Variants in EPC1 observed in about 807,000 individuals in gnomAD.
The protein encoded by EPC1 is enhancer of polycomb 1.
EPC1 carries 12 observed loss-of-function variants against 98.4 expected under a neutral mutation model. That is an observed-to-expected ratio of 0.12 (90% CI 0.08 to 0.20). The LOEUF is 0.20. Among genes scored for constraint, EPC1 ranks in the 10% least tolerant of loss-of-function variants. The pLI is 1.00. For synonymous variants in EPC1, 357 were observed against 363.9 expected, an observed-to-expected ratio of 0.98 and a Z score of 0.21; for missense variants, 729 against 990.5, an observed-to-expected ratio of 0.74 and a Z score of 3.54.
At chr10:32,364,201 ACTTT>A (rs200856554) in intron 1 of EPC1, among the ~76,000 whole-genome samples, 78,647 of 149,940 alleles carry the variant, frequency 0.52, 22,835 homozygotes, top group East Asian at 0.69. Context: ...TTTAGTAGAG[ACTTT>A]TAGTAGATTT....
In EPC1 at chr10:32,273,301, A is replaced by G; in HGVS notation, c.1745-20T>C. 6.2e-7 allele frequency: 1 copy of G among 1,611,016 alleles called. No homozygotes were observed. Among genetic ancestry groups the G allele is most frequent in the South Asian group, 1.1e-5 (1 of 90,752 alleles). ...TAAATGCTGAACATAAAATAAAGAA[A>G]CACTTTATAAAAATGCCCAGCTGTC... On this transcript the variant is annotated intron_variant, in intron 10 of 13. Transcript: ENST00000319778.
chr10:32,372,801 A>T (rs1389382816), intron 1 of EPC1, among the ~76,000 whole-genome samples: 4 of 152,198 alleles, frequency 2.6e-5, no homozygotes, highest in Non-Finnish European at 5.9e-5. Flanking sequence ...CGGGTGGATC[A>T]CCTGAGATCA....
chr10:32,288,029 A>G (rs1836784347), intron 6 of EPC1, among the ~76,000 whole-genome samples: 1 of 152,210 alleles, frequency 6.6e-6, no homozygotes, highest in South Asian at 2.1e-4. Flanking sequence ...TAGTGGCAAA[A>G]ATTGTATTTG....
chr10:32,305,109 A>G (rs1161309655), intron 2 of EPC1, among the ~76,000 whole-genome samples: 1 of 152,208 alleles, frequency 6.6e-6, no homozygotes, highest in Non-Finnish European at 1.5e-5. Context: ...TTATCAAACG[A>G]TCACTGCTTA....
chr10:32,331,950 A>G (rs1327604641), intron 1 of EPC1, among the ~76,000 whole-genome samples: 1 of 152,230 alleles, frequency 6.6e-6, no homozygotes, highest in Non-Finnish European at 1.5e-5. Flanking sequence ...ATCTTACTTT[A>G]TTAGTCTCAT....
rs142438167 is a variant in EPC1 at position 32,377,450 on chromosome 10, C to T, written c.3+1041G>A. ...GCAAAATGTTACTAAAAGGATAAAT[C>T]GACAGCTTATTACTGAATAATTCTG... is the stretch of plus-strand genomic sequence containing the variant. On this transcript the variant is annotated intron_variant, in intron 1 of 13. Transcript: ENST00000375110. 511 of 152,226 alleles carry T rather than the reference C, an allele frequency of 3.4e-3. 3 individuals are homozygous for T. The highest frequency in any genetic ancestry group is 0.012 in the African/African-American group (495 of 41,536). The allele number at this position is 152,226 out of a possible 1,614,324, so 9.4% of individuals were successfully genotyped here. A position where few individuals can be genotyped will look rare whatever the true frequency, so the allele number is the denominator to read the frequency against.
rs1001383563 is a variant in EPC1 at position 32,267,845 on chromosome 10, C to T, written c.*1218G>A. 6.6e-6 allele frequency: 1 copy of T among 152,146 alleles called. No individual in the cohort carries two copies. Among genetic ancestry groups the T allele is most frequent in the Non-Finnish European group, 1.5e-5 (1 of 68,036 alleles). The allele number at this position is 152,146 out of a possible 1,614,324, so 9.4% of individuals were successfully genotyped here. On this transcript the variant is annotated 3_prime_UTR_variant, in exon 14 of 14. Coordinates refer to ENST00000319778, the MANE Select transcript of EPC1 (RefSeq NM_001272004.3). The stretch of plus-strand genomic sequence containing the variant: ...TTAAAAACCTTAAGGATAATGTATG[C>T]CATTGGACTGGGCATTCAGACTTCG...
intron 2 of EPC1, among the ~76,000 whole-genome samples, chr10:32,298,761 C>T (rs181628261): frequency 2.8e-4 from 42 of 152,208 alleles, no homozygotes; most frequent in Admixed American, 3.9e-4. Context: ...TAAGATCTTT[C>T]GTACATAAAG....
chr10:32,320,312 G>A (rs1836828660), intron 1 of EPC1, among the ~76,000 whole-genome samples: 1 of 151,942 alleles, frequency 6.6e-6, no homozygotes, highest in South Asian at 2.1e-4. Flanking sequence ...ATCCTTACAA[G>A]TCAGTGAAAG....
chr10:32,366,433 TA>T (rs1213657178), intron 1 of EPC1, among the ~76,000 whole-genome samples: 3 of 152,108 alleles, frequency 2.0e-5, no homozygotes, highest in Non-Finnish European at 2.9e-5. Flanking sequence ...ATGATTAAAA[TA>T]AAAAAATAGG....
At chr10:32,319,099 C>T (rs1836729443) in intron 1 of EPC1, among the ~76,000 whole-genome samples, 1 of 152,158 alleles carries the variant, frequency 6.6e-6, no homozygotes, top group African/African-American at 2.4e-5. Context: ...TAACTCTTCT[C>T]CCTTCTTTAT....
At chr10:32,336,816 T>C (rs898629217) in intron 1 of EPC1, among the ~76,000 whole-genome samples, 3 of 152,308 alleles carry the variant, frequency 2.0e-5, no homozygotes, top group East Asian at 1.9e-4. Context: ...AGGAGAGACA[T>C]AAAATAGTTA....
At position 32,291,229 on chromosome 10, in the gene EPC1, A is replaced by G. The variant is rs1218311387; in HGVS notation, c.909T>C (p.Pro303=). ...MKPTYAIPII[P]ITNSSQFKHQ... Reference sequence around the variant, plus strand: ...GTTTAAATTGACTGCTATTAGTAATAGGGATGATGGGGATGGCATAAGTAG... The same window carrying G: ...GTTTAAATTGACTGCTATTAGTAATGGGGATGATGGGGATGGCATAAGTAG... The change falls in exon 6 of 14, where the codon CCT becomes CCC. Residue 303 remains proline, a synonymous_variant. Coordinates refer to ENST00000319778, the MANE Select transcript of EPC1 (RefSeq NM_001272004.3). 2 of 1,613,990 alleles carry G rather than the reference A, an allele frequency of 1.2e-6. No individual in the cohort carries two copies. The highest frequency in any genetic ancestry group is 1.7e-5 in the Admixed American group (1 of 60,014).
intron 2 of EPC1, among the ~76,000 whole-genome samples, chr10:32,297,521 A>G (rs1410078525): frequency 6.6e-6 from 1 of 151,962 alleles, no homozygotes; most frequent in Non-Finnish European, 1.5e-5. Flanking sequence ...TCCAGACCTC[A>G]GGTGATCTGC....
chr10:32,368,641 A>G (rs1839667034), intron 1 of EPC1, among the ~76,000 whole-genome samples: 1 of 152,178 alleles, frequency 6.6e-6, no homozygotes, highest in Non-Finnish European at 1.5e-5. Context: ...ACTCTATGTG[A>G]CTCATTGACT....
chr10:32,275,615 CA>C (rs1178054247), intron 10 of EPC1, among the ~76,000 whole-genome samples: 10 of 136,624 alleles, frequency 7.3e-5, no homozygotes, highest in East Asian at 2.2e-4. Context: ...AAAAAAAAAA[CA>C]AAAAAAAAAT....
chr10:32,273,904 C>T (rs1564518174), intron 10 of EPC1: 1 of 151,648 alleles, frequency 6.6e-6, no homozygotes. Flanking sequence ...ATTAATTTTC[C>T]CCACCCAATT....
chr10:32,332,465 A>T (rs895518711), intron 1 of EPC1, among the ~76,000 whole-genome samples: 3 of 152,210 alleles, frequency 2.0e-5, no homozygotes, highest in African/African-American at 7.2e-5. Flanking sequence ...ACATGGCAGA[A>T]GTGATAGTAC....
At chr10:32,324,866 G>A (rs966362645) in intron 1 of EPC1, among the ~76,000 whole-genome samples, 7 of 152,120 alleles carry the variant, frequency 4.6e-5, no homozygotes, top group Admixed American at 3.3e-4. Context: ...GGTGGCTGGA[G>A]CCTGTAGTCC....
Sources: allele counts gnomAD v4.1 joint callset (sites outside exome capture counted in the v4.1 genomes callset), GRCh38; gene constraint gnomAD v4.1.1; transcripts MANE v1.5; gene names NCBI Gene and HGNC (gene_info 2026-07-23, HGNC 2026-07-21).